The following NRXN3 variants were observed in gnomAD, a reference collection of about 807,000 sequenced individuals.
NRXN3 encodes neurexin III.
Under a neutral mutation model 137.6 loss-of-function variants are expected in NRXN3, and 32 were observed. The ratio of observed to expected loss-of-function variants is 0.23; its 90% CI spans 0.18 to 0.31. NRXN3 has a LOEUF of 0.31. Among genes scored for constraint, NRXN3 ranks in the 10% least tolerant of loss-of-function variants. The pLI is 1.00. For missense variants in NRXN3, 1,574 were observed against 2,062.5 expected, an observed-to-expected ratio of 0.76 and a Z score of 4.59; for synonymous variants, 798 against 784.5, an observed-to-expected ratio of 1.02 and a Z score of -0.29.
chr14:79,490,502 C>T (rs562659752), intron 16 of NRXN3, among the ~76,000 whole-genome samples: 1 of 152,100 alleles, frequency 6.6e-6, no homozygotes, highest in South Asian at 2.1e-4. Flanking sequence ...GAATAAGATC[C>T]AGTCATTTGC....
At chr14:79,611,273 A>G (rs543333048) in intron 16 of NRXN3, 1 of 152,364 alleles carries the variant, frequency 6.6e-6, no homozygotes, top group South Asian at 2.1e-4. Context: ...AAAATGGTTT[A>G]TGACCTATAA....
At chr14:79,398,360 G>A (rs754208760) in intron 15 of NRXN3, among the ~76,000 whole-genome samples, 1 of 152,168 alleles carries the variant, frequency 6.6e-6, no homozygotes, top group Non-Finnish European at 1.5e-5. Context: ...ACTGAGCAAT[G>A]AATTTATAGA....
intron 4 of NRXN3, among the ~76,000 whole-genome samples, chr14:78,616,982 G>A (rs910001929): frequency 1.3e-5 from 2 of 151,994 alleles, no homozygotes; most frequent in Admixed American, 6.6e-5. Context: ...GCTTTCAGTG[G>A]GCCCAGTGTC....
At chr14:78,451,051 G>A (rs1567628354) in intron 4 of NRXN3, among the ~76,000 whole-genome samples, 1 of 152,176 alleles carries the variant, frequency 6.6e-6, no homozygotes, top group Non-Finnish European at 1.5e-5. Flanking sequence ...GGATGGGGTT[G>A]TGCTTGTGGT....
chr14:78,661,872 TA>T (rs1290368476), intron 6 of NRXN3, among the ~76,000 whole-genome samples: 1 of 152,120 alleles, frequency 6.6e-6, no homozygotes, highest in Non-Finnish European at 1.5e-5. Context: ...AAATGTTATT[TA>T]TTTTTTTTCT....
intron 4 of NRXN3, among the ~76,000 whole-genome samples, chr14:78,559,822 CAG>C (rs1428088389): frequency 6.6e-6 from 1 of 152,236 alleles, no homozygotes; most frequent in African/African-American, 2.4e-5. Context: ...AATGCAGAGG[CAG>C]AGGAGGAGCA....
intron 4 of NRXN3, among the ~76,000 whole-genome samples, chr14:78,541,164 G>A (rs1342774648): frequency 6.6e-6 from 1 of 152,160 alleles, no homozygotes; most frequent in African/African-American, 2.4e-5. Flanking sequence ...ATGTTGGCCT[G>A]CCTTGCTAGG....
At chr14:79,250,496 A>T (rs78256614) in intron 15 of NRXN3, among the ~76,000 whole-genome samples, 2,799 of 152,318 alleles carry the variant, frequency 0.018, 41 homozygotes, top group Non-Finnish European at 0.029. Flanking sequence ...TGCTTGTTTA[A>T]TTCTCACAAG....
intron 15 of NRXN3, among the ~76,000 whole-genome samples, chr14:79,387,874 G>A (rs1256672541): frequency 3.4e-5 from 5 of 146,558 alleles, no homozygotes; most frequent in African/African-American, 7.6e-5. Flanking sequence ...AACACCGCAT[G>A]TTCTCACTCA....
chr14:78,906,079 C>T (rs1055961921), intron 10 of NRXN3, among the ~76,000 whole-genome samples: 3 of 151,934 alleles, frequency 2.0e-5, no homozygotes, highest in Non-Finnish European at 4.4e-5. Context: ...GTGCATTGGT[C>T]ATTATTTAGA....
intron 15 of NRXN3, among the ~76,000 whole-genome samples, chr14:79,108,238 T>A (rs1269937543): frequency 6.6e-6 from 1 of 152,204 alleles, no homozygotes. Context: ...AAAATCCTAA[T>A]CATTTTTCCT....
chr14:78,567,538 C>A (rs1444625993), intron 4 of NRXN3, among the ~76,000 whole-genome samples: 2 of 152,198 alleles, frequency 1.3e-5, no homozygotes, highest in South Asian at 2.1e-4. Flanking sequence ...TCCATGAGCT[C>A]CTGCCAAGAC....
At chr14:78,789,607 G>A (rs1399917832) in intron 8 of NRXN3, among the ~76,000 whole-genome samples, 1 of 152,106 alleles carries the variant, frequency 6.6e-6, no homozygotes, top group African/African-American at 2.4e-5. Context: ...TGGTGCAAAA[G>A]TAATTGTGGT....
intron 15 of NRXN3, among the ~76,000 whole-genome samples, chr14:79,057,535 G>T (rs2099667373): frequency 6.6e-6 from 1 of 152,200 alleles, no homozygotes; most frequent in Non-Finnish European, 1.5e-5. Flanking sequence ...GTCACAGCAT[G>T]AGGGATGAGT....
chr14:79,733,652 C>T (rs1323485013), intron 19 of NRXN3, among the ~76,000 whole-genome samples: 3 of 148,694 alleles, frequency 2.0e-5, no homozygotes, highest in African/African-American at 7.5e-5. Context: ...TATATGAAGC[C>T]CACATTTGGT....
At chr14:79,382,868 T>C (rs1345959746) in intron 15 of NRXN3, among the ~76,000 whole-genome samples, 1 of 152,126 alleles carries the variant, frequency 6.6e-6, no homozygotes, top group Non-Finnish European at 1.5e-5. Flanking sequence ...TTCAATTGGC[T>C]ATTTGACTTC....
intron 4 of NRXN3, among the ~76,000 whole-genome samples, chr14:78,345,718 C>A (rs1389297421): frequency 6.6e-6 from 1 of 152,146 alleles, no homozygotes; most frequent in Non-Finnish European, 1.5e-5. Context: ...GTTGAGGGAT[C>A]TGGGAAATAA....
At chr14:79,837,668 A>G (rs893842613) in intron 20 of NRXN3, among the ~76,000 whole-genome samples, 1 of 152,094 alleles carries the variant, frequency 6.6e-6, no homozygotes. Context: ...CTTTGATGTC[A>G]TTTTTTGTAC....
At chr14:79,788,059 A>G (rs915193425) in intron 19 of NRXN3, among the ~76,000 whole-genome samples, 2 of 152,168 alleles carry the variant, frequency 1.3e-5, no homozygotes, top group African/African-American at 4.8e-5. Flanking sequence ...ACAGCTCCAC[A>G]TGACTGGGGG....
Sources: allele counts gnomAD v4.1 joint callset (sites outside exome capture counted in the v4.1 genomes callset), GRCh38; gene constraint gnomAD v4.1.1; transcripts MANE v1.5; gene names NCBI Gene and HGNC (gene_info 2026-07-23, HGNC 2026-07-21).